The following PDE11A variants were observed in gnomAD, a reference collection of about 807,000 sequenced individuals.
The protein encoded by PDE11A is dual 3',5'-cyclic-AMP and -GMP phosphodiesterase 11A.
PDE11A carries 100 observed loss-of-function variants against 100.5 expected under a neutral mutation model. That is an observed-to-expected ratio of 1.00 (90% confidence interval 0.85 to 1.18). The LOEUF (loss-of-function observed/expected upper bound fraction) is 1.18, where lower values mean the gene tolerates loss of function less well. Ranked by LOEUF, PDE11A falls within the 50% of genes most tolerant of loss-of-function variation. PDE11A has a pLI of 0.00. For missense variants in PDE11A, 1,141 were observed against 1,152.6 expected (o/e 0.99, Z 0.15); for synonymous variants, 381 against 420.8 (o/e 0.91, Z 1.16).
At position 177,755,403 on chromosome 2, in the gene PDE11A, T is replaced by C. The variant is rs1433676673; in HGVS notation, c.1788+13920A>G. ...GTTTCTAGACATTACGAAGAGGCTC[T>C]TGTGAGCATCTTGCCTGTATCCCAG... On this transcript the variant is annotated intron_variant, in intron 10 of 19. Transcript: ENST00000286063. Among the ~76,000 whole-genome samples the C allele has an allele frequency of 3.9e-5, 6 of 152,322 alleles. No individual in the cohort carries two copies. The East Asian group carries it at 1.2e-3, about 29-fold the overall frequency.
At chr2:177,714,240 G>A (rs2081403035) in intron 12 of PDE11A, among the ~76,000 whole-genome samples, 1 of 152,094 alleles carries the variant, frequency 6.6e-6, no homozygotes, top group African/African-American at 2.4e-5. Context: ...TGATCCACCT[G>A]CCTCAGCCTC....
At chr2:177,768,259 A>G (rs897693884) in intron 10 of PDE11A, among the ~76,000 whole-genome samples, 3 of 151,766 alleles carry the variant, frequency 2.0e-5, no homozygotes, top group African/African-American at 7.3e-5. Flanking sequence ...CCCTTTCATC[A>G]TTCATGCGCT....
At chr2:177,721,120 C>T (rs998499258) in intron 12 of PDE11A, among the ~76,000 whole-genome samples, 1 of 151,970 alleles carries the variant, frequency 6.6e-6, no homozygotes, top group Admixed American at 6.6e-5. Context: ...AATTTTTAAC[C>T]TGTTTATTAG....
chr2:177,696,290 A>C (rs1460654189), intron 15 of PDE11A, among the ~76,000 whole-genome samples: 1 of 152,150 alleles, frequency 6.6e-6, no homozygotes, highest in Non-Finnish European at 1.5e-5. Context: ...GTAACATAGA[A>C]ATGAGGCCAG....
chr2:177,765,619 T>C lies in PDE11A; in HGVS notation c.1788+3704A>G, dbSNP rs574423334. Among the ~76,000 whole-genome samples, 31 of 152,340 alleles carry C rather than the reference T, an allele frequency of 2.0e-4. 1 individual carries two copies. The highest frequency in any genetic ancestry group is 6.5e-4 in the African/African-American group (27 of 41,582). On this transcript the variant is annotated intron_variant, in intron 10 of 19. Transcript: ENST00000286063. The stretch of plus-strand genomic sequence containing the variant: ...AGGCTGCTGCCTTCTGTTAGCACAC[T>C]GACCCATTCTATCGGGAGCATTTGA...
chr2:177,819,418 T>C (rs946609789), intron 7 of PDE11A, among the ~76,000 whole-genome samples: 2 of 152,148 alleles, frequency 1.3e-5, no homozygotes, highest in Non-Finnish European at 2.9e-5. Flanking sequence ...TTACGTCTCT[T>C]AGGAAAAAAA....
chr2:177,750,139 G>T (rs1044645313), intron 10 of PDE11A, among the ~76,000 whole-genome samples: 7 of 152,084 alleles, frequency 4.6e-5, no homozygotes, highest in Non-Finnish European at 7.4e-5. Flanking sequence ...TTGTCAGTTC[G>T]GTTTTATTTC....
At chr2:178,073,602 C>T (rs1245299083), upstream of PDE11A, among the ~76,000 whole-genome samples, 1 of 152,088 alleles carries the variant, frequency 6.6e-6, no homozygotes, top group East Asian at 1.9e-4. Flanking sequence ...AAAAAAACAA[C>T]GTTTAGCATA....
At chr2:178,031,308 C>G (rs557132521) in intron 1 of PDE11A, among the ~76,000 whole-genome samples, 37 of 152,212 alleles carry the variant, frequency 2.4e-4, no homozygotes, top group African/African-American at 8.4e-4. Flanking sequence ...CAGTCTTGTT[C>G]TACATGATAC....
At chr2:177,851,287 C>CA (rs896712264) in intron 5 of PDE11A, among the ~76,000 whole-genome samples, 3 of 151,878 alleles carry the variant, frequency 2.0e-5, no homozygotes, top group Non-Finnish European at 4.4e-5. Context: ...ATCTCAAGAA[C>CA]AAAAAACCAA....
Position 177,624,912 on chromosome 2 carries a change from A to G in PDE11A, c.*4495T>C, listed in dbSNP as rs1242067516. On this transcript the variant is annotated 3_prime_UTR_variant, in exon 20 of 20. Coordinates refer to ENST00000286063, the MANE Select transcript of PDE11A (RefSeq NM_016953.4). ...TAGTGAGGCCTCGTCTTTACAAACAATACAAAATTTAGCTGGGTGTGGTGG... is the reference window on the plus strand; with the variant it reads ...TAGTGAGGCCTCGTCTTTACAAACAGTACAAAATTTAGCTGGGTGTGGTGG... 1 of 152,216 alleles carries G rather than the reference A, an allele frequency of 6.6e-6. No individual in the cohort carries two copies. Among genetic ancestry groups the G allele is most frequent in the East Asian group, 1.9e-4 (1 of 5,192 alleles). The allele number at this position is 152,216 out of a possible 1,614,324, so 9.4% of individuals were successfully genotyped here.
intron 9 of PDE11A, among the ~76,000 whole-genome samples, chr2:177,789,748 GACAA>G (rs1445026500): frequency 1.3e-5 from 2 of 152,032 alleles, no homozygotes; most frequent in African/African-American, 2.4e-5. Context: ...ACCAATAACA[GACAA>G]ACAGAGAGCC....
intron 10 of PDE11A, among the ~76,000 whole-genome samples, chr2:177,728,623 C>T (rs2081638102): frequency 6.6e-6 from 1 of 152,132 alleles, no homozygotes; most frequent in South Asian, 2.1e-4. Context: ...TCCTTATATC[C>T]TGTAGCTTGC....
At chr2:177,979,089 A>G (rs1363136670) in intron 2 of PDE11A, among the ~76,000 whole-genome samples, 4 of 148,890 alleles carry the variant, frequency 2.7e-5, no homozygotes, top group Admixed American at 2.7e-4. Context: ...AAAAAAAAAA[A>G]AAAAAGAAAG....
At chr2:177,777,701 G>T (rs2105513113) in intron 9 of PDE11A, among the ~76,000 whole-genome samples, 1 of 152,256 alleles carries the variant, frequency 6.6e-6, no homozygotes, top group East Asian at 1.9e-4. Context: ...GTAAGACATG[G>T]TTTTATAAAT....
At chr2:177,660,600 T>C (rs1167316928) in intron 19 of PDE11A, among the ~76,000 whole-genome samples, 1 of 152,198 alleles carries the variant, frequency 6.6e-6, no homozygotes, top group East Asian at 1.9e-4. Flanking sequence ...TAGTAAAAAA[T>C]TGAGTGGAAC....
chr2:177,895,274 C>T (rs545071025), intron 4 of PDE11A, among the ~76,000 whole-genome samples: 12 of 152,042 alleles, frequency 7.9e-5, no homozygotes, highest in African/African-American at 2.4e-4. Context: ...TATTCTGGGC[C>T]GGGTGCTGTG....
intron 9 of PDE11A, among the ~76,000 whole-genome samples, chr2:177,810,558 G>T (rs2082935508): frequency 6.6e-6 from 1 of 152,138 alleles, no homozygotes; most frequent in Admixed American, 6.6e-5. Context: ...GGAGGTTAGA[G>T]CAGAGATCAG....
At chr2:178,037,441 A>C (rs964748552) in intron 1 of PDE11A, among the ~76,000 whole-genome samples, 7 of 152,208 alleles carry the variant, frequency 4.6e-5, no homozygotes, top group Admixed American at 4.6e-4. Context: ...AATTAGTTCA[A>C]CCATTGTGGA....
Sources: gnomAD v4.1 joint callset for allele counts (sites outside exome capture counted in the v4.1 genomes callset) on GRCh38, gnomAD v4.1.1 for gene constraint, MANE v1.5 for transcripts, NCBI Gene and HGNC (gene_info 2026-07-23, HGNC 2026-07-21) for gene names.